Variants in ZFAND3 observed in about 807,000 individuals in gnomAD.
ZFAND3 encodes the protein zinc finger AN1-type containing 3.
A neutral mutation model predicts 29.6 loss-of-function variants in ZFAND3; 10 were observed. The ratio of observed to expected loss-of-function variants is 0.34; its 90% CI spans 0.21 to 0.57. The LOEUF is 0.57. Ranked by LOEUF, ZFAND3 falls within the 20% of genes least tolerant of loss-of-function variation. ZFAND3 has a pLI of 0.86. For synonymous variants in ZFAND3, 128 were observed against 112.6 expected, an observed-to-expected ratio of 1.14 and a Z score of -0.87; for missense variants, 230 against 304.5, an observed-to-expected ratio of 0.76 and a Z score of 1.82.
chr6:37,835,722 C>A (rs1437154654), intron 1 of ZFAND3, among the ~76,000 whole-genome samples: 1 of 151,952 alleles, frequency 6.6e-6, no homozygotes, highest in Non-Finnish European at 1.5e-5. Context: ...AGTATGTTTC[C>A]TATGCATGTA....
At chr6:38,076,739 T>A (rs945719766) in intron 3 of ZFAND3, among the ~76,000 whole-genome samples, 1 of 152,236 alleles carries the variant, frequency 6.6e-6, no homozygotes, top group African/African-American at 2.4e-5. Flanking sequence ...ACTCACTATA[T>A]GTATCCTTGT....
At chr6:38,137,872 C>T (rs992149886) in intron 5 of ZFAND3, among the ~76,000 whole-genome samples, 5 of 152,284 alleles carry the variant, frequency 3.3e-5, no homozygotes, top group African/African-American at 1.2e-4. Flanking sequence ...GGCCAGAGCA[C>T]AGTGCGTTGC....
chr6:38,045,101 T>TTGATTGATTG (rs1561978689), intron 2 of ZFAND3, among the ~76,000 whole-genome samples: 12 of 146,180 alleles, frequency 8.2e-5, no homozygotes, highest in African/African-American at 2.8e-4. Flanking sequence ...TTTATTTATT[T>TTGATTGATTG]ATTGAGATGG....
At chr6:38,140,610 C>A (rs935972399) in intron 5 of ZFAND3, among the ~76,000 whole-genome samples, 3 of 152,150 alleles carry the variant, frequency 2.0e-5, no homozygotes, top group South Asian at 2.1e-4. Context: ...CTGCCTCAGC[C>A]CCACAAAATG....
intron 2 of ZFAND3, among the ~76,000 whole-genome samples, chr6:38,006,677 T>TTTTA (rs1554166608): frequency 7.1e-6 from 1 of 141,144 alleles, no homozygotes; most frequent in African/African-American, 2.7e-5. Flanking sequence ...TTTTTTTTTT[T>TTTTA]AATTGATGGT....
At chr6:38,082,246 AC>A in intron 3 of ZFAND3, 145 bp from the exon 4 acceptor site, 1 of 653,456 alleles carries the variant, frequency 1.5e-6, no homozygotes, top group Non-Finnish European at 2.6e-6. Context: ...GAATTAACCC[AC>A]CACCACCGTC....
At chr6:37,945,047 G>A (rs1761877421) in intron 2 of ZFAND3, among the ~76,000 whole-genome samples, 1 of 152,142 alleles carries the variant, frequency 6.6e-6, no homozygotes, top group Admixed American at 6.5e-5. Context: ...GGTGCTCCCG[G>A]AACTGTCTTG....
intron 4 of ZFAND3, among the ~76,000 whole-genome samples, chr6:38,086,185 A>G (rs898006696): frequency 1.3e-5 from 2 of 152,180 alleles, no homozygotes; most frequent in African/African-American, 4.8e-5. Flanking sequence ...GATAGATGGG[A>G]AAGACTTTTC....
rs78666152 is a variant in ZFAND3, at chr6:38,051,714, A to G, written c.113-9879A>G. Among the ~76,000 whole-genome samples, 2,551 of 152,360 alleles carry G rather than the reference A, an allele frequency of 0.017. 253 individuals are homozygous for G. In the East Asian group the frequency reaches 0.28, roughly 17 times the overall value. On this transcript the variant is annotated intron_variant, in intron 2 of 5. Transcript: ENST00000287218. The stretch of plus-strand genomic sequence containing the variant: ...GTATGTATATATGCGCACACAGCAT[A>G]AAGTGCATATTTTGTTAGAACTAGA...
At chr6:37,967,491 G>A (rs1024957330) in intron 2 of ZFAND3, among the ~76,000 whole-genome samples, 1 of 152,192 alleles carries the variant, frequency 6.6e-6, no homozygotes, top group African/African-American at 2.4e-5. Flanking sequence ...TAGAAGCCAG[G>A]ATCTGGGTAA....
intron 1 of ZFAND3, among the ~76,000 whole-genome samples, chr6:37,906,069 C>G (rs1561929109): frequency 6.6e-6 from 1 of 151,868 alleles, no homozygotes; most frequent in East Asian, 1.9e-4. Context: ...CATTTTAAAC[C>G]ATTTTAACCA....
At chr6:38,036,003 T>A (rs1022617136) in intron 2 of ZFAND3, among the ~76,000 whole-genome samples, 3 of 152,174 alleles carry the variant, frequency 2.0e-5, no homozygotes, top group Non-Finnish European at 2.9e-5. Flanking sequence ...CTCTCCCAGC[T>A]CCATGTTATG....
intron 2 of ZFAND3, among the ~76,000 whole-genome samples, chr6:37,936,300 T>C (rs1426643506): frequency 1.3e-5 from 2 of 152,108 alleles, no homozygotes; most frequent in African/African-American, 4.8e-5. Flanking sequence ...AAATACTAGT[T>C]TTGGGAGAAG....
At chr6:38,043,063 G>T (rs1763822068) in intron 2 of ZFAND3, among the ~76,000 whole-genome samples, 1 of 152,068 alleles carries the variant, frequency 6.6e-6, no homozygotes, top group Admixed American at 6.5e-5. Context: ...TTTTTATTGT[G>T]ATCTAATATA....
intron 2 of ZFAND3, among the ~76,000 whole-genome samples, chr6:38,038,612 G>A (rs755233548): frequency 9.2e-5 from 14 of 151,916 alleles, no homozygotes; most frequent in Non-Finnish European, 1.8e-4. Flanking sequence ...AATGAAAGTC[G>A]TTTCCCCCCC....
intron 4 of ZFAND3, among the ~76,000 whole-genome samples, chr6:38,102,944 A>C (rs968345076): frequency 1.3e-5 from 2 of 152,118 alleles, no homozygotes; most frequent in African/African-American, 4.8e-5. Context: ...TTTAGTAGAG[A>C]TGGGGTTTCA....
At chr6:37,880,307 T>C (rs956255489) in intron 1 of ZFAND3, among the ~76,000 whole-genome samples, 3 of 152,334 alleles carry the variant, frequency 2.0e-5, no homozygotes, top group Non-Finnish European at 4.4e-5. Context: ...TCAGCAGGGA[T>C]GTTGCAGCAA....
At chr6:37,937,068 A>G (rs1761711464) in intron 2 of ZFAND3, among the ~76,000 whole-genome samples, 1 of 152,210 alleles carries the variant, frequency 6.6e-6, no homozygotes, top group African/African-American at 2.4e-5. Flanking sequence ...TTACATACTA[A>G]TCTCTTTCCT....
At chr6:37,998,972 T>G (rs866190199) in intron 2 of ZFAND3, among the ~76,000 whole-genome samples, 1 of 152,182 alleles carries the variant, frequency 6.6e-6, no homozygotes, top group African/African-American at 2.4e-5. Flanking sequence ...AAACAGTGAT[T>G]ATATGTAGCA....
Sources: gnomAD v4.1 joint callset for allele counts (sites outside exome capture counted in the v4.1 genomes callset) on GRCh38, gnomAD v4.1.1 for gene constraint, MANE v1.5 for transcripts, NCBI Gene and HGNC (gene_info 2026-07-23, HGNC 2026-07-21) for gene names.